Variants in SNX29 observed in about 807,000 individuals in gnomAD.
SNX29 encodes the protein sorting nexin-29.
In SNX29, 78 loss-of-function variants were observed where a neutral mutation model predicts 102.1. The ratio of observed to expected loss-of-function variants is 0.76; its 90% CI spans 0.64 to 0.92. The LOEUF (loss-of-function observed/expected upper bound fraction) is 0.92, where lower values mean the gene tolerates loss of function less well. Among genes scored for constraint, SNX29 ranks in the 40% least tolerant of loss-of-function variants. The probability of loss-of-function intolerance (pLI) is 0.00; values close to 1 mark genes in which losing one functional copy is unlikely to be tolerated. For synonymous variants in SNX29, 580 were observed against 414.5 expected, an observed-to-expected ratio of 1.40 and a Z score of -4.85; for missense variants, 1,280 against 1,061.7, an observed-to-expected ratio of 1.21 and a Z score of -2.86.
intron 4 of SNX29, chr16:12,029,844 G>A (rs190772655): frequency 2.9e-5 from 10 of 342,220 alleles, no homozygotes; most frequent in Non-Finnish European, 5.1e-5. Flanking sequence ...TGCCCGCCTC[G>A]ACCTCCCAAA....
At chr16:12,012,151 T>G (rs1196257489) in intron 3 of SNX29, among the ~76,000 whole-genome samples, 1 of 152,140 alleles carries the variant, frequency 6.6e-6, no homozygotes, top group Admixed American at 6.5e-5. Context: ...GACATGTAAA[T>G]TGTGGGCAAT....
In SNX29 at chr16:11,978,456, C is replaced by A. The variant is rs142579124; in HGVS notation, c.7+1643C>A. Among the ~76,000 whole-genome samples the A allele has an allele frequency of 4.6e-5, 7 of 152,296 alleles. No homozygotes were observed. The East Asian group carries it at 1.2e-3, about 25-fold the overall frequency. ...TACCTAGTAGTACCTATCTCCTAGG[C>A]TTGTAATGACTAAATAACATTCATC... On this transcript the variant is annotated intron_variant, in intron 1 of 20. Transcript: ENST00000566228.
chr16:12,148,476 T>C (rs1425370141), intron 13 of SNX29, among the ~76,000 whole-genome samples: 1 of 152,220 alleles, frequency 6.6e-6, no homozygotes, highest in Non-Finnish European at 1.5e-5. Flanking sequence ...TACATCTTAG[T>C]AGATCTTGTT....
rs143817986 is a variant in SNX29, at chr16:12,542,652, G to C, written c.2318+17811G>C. 3.9e-3 allele frequency among the ~76,000 whole-genome samples: 593 copies of C among 152,296 alleles called. 5 individuals are homozygous for C. The highest frequency in any genetic ancestry group is 0.014 in the African/African-American group (570 of 41,566). On this transcript the variant is annotated intron_variant, in intron 20 of 20. Transcript: ENST00000566228. ...CAGTGTGGGTCTAACACTTAAACTT[G>C]TGTTTGAAGGCAGCGTGTTGGGAAC...
intron 8 of SNX29, among the ~76,000 whole-genome samples, chr16:12,054,319 A>G (rs7202328): frequency 0.39 from 59,606 of 151,982 alleles, 12,354 homozygotes; most frequent in Middle Eastern, 0.5. Flanking sequence ...TGATTTGTTG[A>G]TGTAATGGTT....
intron 20 of SNX29, among the ~76,000 whole-genome samples, chr16:12,558,253 G>C (rs1479771346): frequency 6.6e-6 from 1 of 151,942 alleles, no homozygotes; most frequent in African/African-American, 2.4e-5. Context: ...GATGGTATCT[G>C]AGGTCTTCTG....
chr16:12,134,562 C>T (rs369596770), intron 13 of SNX29, among the ~76,000 whole-genome samples: 11 of 152,266 alleles, frequency 7.2e-5, no homozygotes, highest in Middle Eastern at 3.4e-3. Flanking sequence ...TCCCAGGGTG[C>T]GTAACCCAGG....
At chr16:12,206,521 G>C (rs1567311106) in intron 14 of SNX29, among the ~76,000 whole-genome samples, 2 of 152,098 alleles carry the variant, frequency 1.3e-5, no homozygotes, top group African/African-American at 2.4e-5. Context: ...GATGCACGCA[G>C]TTAGCTCCCA....
intron 16 of SNX29, chr16:12,372,708 A>ACGTCT (rs1293546497): frequency 6.6e-6 from 1 of 152,108 alleles, no homozygotes; most frequent in Non-Finnish European, 1.5e-5. Context: ...CAAAGAGGAG[A>ACGTCT]CGTTTGACTT....
intron 13 of SNX29, among the ~76,000 whole-genome samples, chr16:12,142,950 C>G (rs1292191390): frequency 6.6e-6 from 1 of 151,902 alleles, no homozygotes; most frequent in South Asian, 2.1e-4. Flanking sequence ...ACAGCTGATT[C>G]TGTCCTGTGG....
chr16:12,403,570 A>G (rs767934528), intron 18 of SNX29, 41 bp downstream of exon 18: 2 of 1,549,004 alleles, frequency 1.3e-6, no homozygotes, highest in South Asian at 1.2e-5. Context: ...AGCTGGGTGG[A>G]AAAACGCCCA....
At chr16:12,530,357 A>G (rs929399190) in intron 20 of SNX29, among the ~76,000 whole-genome samples, 12 of 152,268 alleles carry the variant, frequency 7.9e-5, no homozygotes, top group African/African-American at 2.9e-4. Flanking sequence ...TATTTTAGGG[A>G]AAGTGATGAA....
At chr16:12,159,771 C>G (rs1456801324) in intron 13 of SNX29, among the ~76,000 whole-genome samples, 1 of 152,092 alleles carries the variant, frequency 6.6e-6, no homozygotes, top group Non-Finnish European at 1.5e-5. Flanking sequence ...GAACTCATAC[C>G]TCATGGGTAG....
In SNX29 at chr16:12,574,132, ATAGG is replaced by A. The variant is rs1181287415; in HGVS notation, c.*5504_*5507del. 2.2e-5 allele frequency: 4 copies of A among 183,784 alleles called. No homozygotes were observed. Among genetic ancestry groups the A allele is most frequent in the Admixed American group, 1.2e-4 (2 of 16,040 alleles). 11.4% of individuals were successfully genotyped at this position (183,784 alleles called of 1,614,324 possible). ...ACCCTCTTATGTTAAGGTTTACATA[ATAGG>A]ATTTTTAAACAAATGTGTTTAATTT... On this transcript the variant is annotated 3_prime_UTR_variant, in exon 21 of 21. Coordinates refer to ENST00000566228, the MANE Select transcript of SNX29 (RefSeq NM_032167.5).
chr16:11,995,196 G>T (rs1232218596), intron 1 of SNX29, among the ~76,000 whole-genome samples: 1 of 152,186 alleles, frequency 6.6e-6, no homozygotes, highest in Non-Finnish European at 1.5e-5. Context: ...CTTCTGAGTA[G>T]CTGGGACTAC....
intron 18 of SNX29, among the ~76,000 whole-genome samples, chr16:12,476,424 A>ATATATATATATATG (rs2087647254): frequency 1.1e-5 from 1 of 89,678 alleles, no homozygotes; most frequent in Non-Finnish European, 2.3e-5. Flanking sequence ...ATATATATAT[A>ATATATATATATATG]TATATATATA....
At chr16:12,439,319 C>T (rs939114993) in intron 18 of SNX29, among the ~76,000 whole-genome samples, 2 of 152,278 alleles carry the variant, frequency 1.3e-5, no homozygotes, top group African/African-American at 2.4e-5. Flanking sequence ...GAGAGGCCAG[C>T]GGGGAGTAGT....
chr16:12,533,588 T>A (rs528942128), intron 20 of SNX29, among the ~76,000 whole-genome samples: 5 of 152,288 alleles, frequency 3.3e-5, no homozygotes, highest in African/African-American at 1.2e-4. Flanking sequence ...AGGTATATTA[T>A]TTGGAGGGAG....
intron 10 of SNX29, among the ~76,000 whole-genome samples, chr16:12,077,730 C>T (rs150589028): frequency 0.014 from 2,198 of 152,194 alleles, 59 homozygotes; most frequent in African/African-American, 0.049. Flanking sequence ...AAGTGATTCT[C>T]CTGCCTCAGC....
Sources: gnomAD v4.1 joint callset for allele counts (sites outside exome capture counted in the v4.1 genomes callset) on GRCh38, gnomAD v4.1.1 for gene constraint, MANE v1.5 for transcripts, NCBI Gene and HGNC (gene_info 2026-07-23, HGNC 2026-07-21) for gene names.